CCSER1: variants seen among roughly 807,000 people sequenced by gnomAD.
CCSER1 encodes the protein serine-rich coiled-coil domain-containing protein 1.
CCSER1 carries 41 observed loss-of-function variants against 82.0 expected under a neutral mutation model. The ratio of observed to expected loss-of-function variants is 0.50; its 90% CI spans 0.39 to 0.65. The LOEUF (loss-of-function observed/expected upper bound fraction) is 0.65, where lower values mean the gene tolerates loss of function less well. Ranked by LOEUF, CCSER1 falls within the 30% of genes least tolerant of loss-of-function variation. CCSER1 has a pLI of 0.00. For synonymous variants in CCSER1, 414 were observed against 383.9 expected, an observed-to-expected ratio of 1.08 and a Z score of -0.92; for missense variants, 1,119 against 1,064.2, an observed-to-expected ratio of 1.05 and a Z score of -0.72.
chr4:91,162,878 C>T lies in CCSER1; in HGVS notation c.2217+76884C>T, dbSNP rs538886308. Among the ~76,000 whole-genome samples, 8 of 152,192 alleles carry T rather than the reference C, an allele frequency of 5.3e-5. No individual in the cohort carries two copies. In the East Asian group the frequency reaches 5.8e-4, roughly 11 times the overall value. On this transcript the variant is annotated intron_variant, in intron 10 of 10. Transcript: ENST00000509176. ...CAATTTTGTTGATCTTTTCAAAAAA[C>T]CAGCTCCTGGATTCATTGATTTTTT...
Position 91,602,463 on chromosome 4 carries a change from A to AACTT in CCSER1, c.*3408_*3411dup, listed in dbSNP as rs1764849048. Among the ~76,000 whole-genome samples the AACTT allele has an allele frequency of 2.0e-5, 3 of 152,040 alleles. No individual in the cohort carries two copies. On this transcript the variant is annotated 3_prime_UTR_variant, in exon 11 of 11. Coordinates refer to ENST00000509176, the MANE Select transcript of CCSER1 (RefSeq NM_001145065.2). ...TAGCCCTCTCAAAAACTTTCTTGGC[A>AACTT]ACTTAGTTGTTGATTAAACAGTAGG...
chr4:91,113,345 T>A (rs1331986889), intron 10 of CCSER1, among the ~76,000 whole-genome samples: 1 of 152,242 alleles, frequency 6.6e-6, no homozygotes, highest in Non-Finnish European at 1.5e-5. Context: ...TAGCAATTTC[T>A]CAATCAAGAA....
intron 8 of CCSER1, among the ~76,000 whole-genome samples, chr4:90,866,923 G>A (rs1765801126): frequency 6.6e-6 from 1 of 151,986 alleles, no homozygotes; most frequent in Admixed American, 6.6e-5. Flanking sequence ...TGCCACCACT[G>A]ATTTGACAGG....
intron 9 of CCSER1, among the ~76,000 whole-genome samples, chr4:91,018,660 A>G (rs1739653294): frequency 6.6e-6 from 1 of 152,026 alleles, no homozygotes; most frequent in Admixed American, 6.6e-5. Flanking sequence ...TAGTATGCTA[A>G]GCTCTTGCTC....
At chr4:91,107,491 G>C (rs1014421950) in intron 10 of CCSER1, among the ~76,000 whole-genome samples, 1 of 152,100 alleles carries the variant, frequency 6.6e-6, no homozygotes, top group East Asian at 1.9e-4. Context: ...TCCTGACCTC[G>C]TGATCCACCC....
intron 1 of CCSER1, among the ~76,000 whole-genome samples, chr4:90,294,233 C>T (rs184422082): frequency 6.1e-4 from 93 of 151,904 alleles, no homozygotes; most frequent in Middle Eastern, 3.4e-3. Context: ...ATAGTCTTGC[C>T]GGGCGCAGTG....
intron 7 of CCSER1, among the ~76,000 whole-genome samples, chr4:90,800,636 T>C (rs1307764428): frequency 1.3e-5 from 2 of 152,188 alleles, no homozygotes; most frequent in Non-Finnish European, 2.9e-5. Flanking sequence ...TTATCACTTG[T>C]TGACTGTTTC....
At chr4:91,596,279 A>C (rs893365407) in intron 10 of CCSER1, among the ~76,000 whole-genome samples, 2 of 152,202 alleles carry the variant, frequency 1.3e-5, no homozygotes, top group Admixed American at 6.6e-5. Flanking sequence ...CCTCAAAGGT[A>C]ATATTAAAAT....
chr4:91,476,812 A>G (rs1757623388), intron 10 of CCSER1, among the ~76,000 whole-genome samples: 1 of 151,760 alleles, frequency 6.6e-6, no homozygotes, highest in South Asian at 2.1e-4. Context: ...CATACATTGA[A>G]GAAAGGACAA....
chr4:91,334,362 T>C (rs769528092), intron 10 of CCSER1, among the ~76,000 whole-genome samples: 1 of 152,078 alleles, frequency 6.6e-6, no homozygotes, highest in Non-Finnish European at 1.5e-5. Context: ...TTTATATCCC[T>C]AACATTTTAC....
intron 4 of CCSER1, among the ~76,000 whole-genome samples, chr4:90,439,476 A>C (rs1009185434): frequency 6.6e-6 from 1 of 152,214 alleles, no homozygotes; most frequent in East Asian, 1.9e-4. Context: ...GCAAAAGACT[A>C]TACTTCTAAT....
At chr4:91,287,140 GT>G in intron 10 of CCSER1, among the ~76,000 whole-genome samples, 1 of 151,772 alleles carries the variant, frequency 6.6e-6, no homozygotes, top group Non-Finnish European at 1.5e-5. Context: ...TTCCAGTCAA[GT>G]TTTTTTCCTA....
rs114220213 is a variant in CCSER1 at position 91,133,406 on chromosome 4, A to C, written c.2217+47412A>C. Among the ~76,000 whole-genome samples, 1,477 of 152,302 alleles carry C rather than the reference A, an allele frequency of 9.7e-3. 11 individuals carry two copies. The highest frequency in any genetic ancestry group is 0.022 in the African/African-American group (928 of 41,562). On this transcript the variant is annotated intron_variant, in intron 10 of 10. Transcript: ENST00000509176. ...CGGTTCATGAAGTCAGATATTGATC[A>C]CATAGGAAGTCAGCGAATGAGTAAA... is the stretch of plus-strand genomic sequence containing the variant.
chr4:90,547,341 G>T (rs1167639373), intron 5 of CCSER1, among the ~76,000 whole-genome samples: 1 of 151,782 alleles, frequency 6.6e-6, no homozygotes, highest in Non-Finnish European at 1.5e-5. Flanking sequence ...TATTAGAAAT[G>T]CCTGATGCCA....
intron 10 of CCSER1, among the ~76,000 whole-genome samples, chr4:91,496,408 T>A (rs1231050306): frequency 1.3e-5 from 2 of 150,050 alleles, no homozygotes; most frequent in African/African-American, 4.9e-5. Flanking sequence ...TATGCTTCTT[T>A]TCATTTTGAG....
chr4:90,174,380 A>G (rs1732282236), intron 1 of CCSER1, among the ~76,000 whole-genome samples: 1 of 152,014 alleles, frequency 6.6e-6, no homozygotes. Context: ...TGAACAAAAT[A>G]TATAAAGCTC....
intron 1 of CCSER1, among the ~76,000 whole-genome samples, chr4:90,216,766 C>T (rs533551634): frequency 1.4e-4 from 22 of 152,170 alleles, no homozygotes; most frequent in African/African-American, 3.6e-4. Flanking sequence ...GGCTGGTTTT[C>T]GGTTCCATAT....
chr4:90,595,540 G>T (rs1043170946), intron 5 of CCSER1, among the ~76,000 whole-genome samples: 1 of 151,862 alleles, frequency 6.6e-6, no homozygotes, highest in East Asian at 1.9e-4. Flanking sequence ...TCTGAGACAC[G>T]ATTGAAATAA....
At chr4:91,404,190 G>A (rs1413353060) in intron 10 of CCSER1, among the ~76,000 whole-genome samples, 1 of 152,138 alleles carries the variant, frequency 6.6e-6, no homozygotes, top group African/African-American at 2.4e-5. Context: ...GCATAGAGGT[G>A]TTTATAGTAT....
Sources: allele counts gnomAD v4.1 joint callset (sites outside exome capture counted in the v4.1 genomes callset), GRCh38; gene constraint gnomAD v4.1.1; transcripts MANE v1.5; gene names NCBI Gene and HGNC (gene_info 2026-07-23, HGNC 2026-07-21).